ARMC9: variants seen among roughly 807,000 people sequenced by gnomAD.
ARMC9 encodes lisH domain-containing protein ARMC9.
In ARMC9, 94 loss-of-function variants were observed where a neutral mutation model predicts 107.0. The observed-to-expected ratio is 0.88, with a 90% CI of 0.74 to 1.04. ARMC9 has a LOEUF of 1.04. Ranked by LOEUF, ARMC9 falls within the 50% of genes least tolerant of loss-of-function variation. The pLI is 0.00. For missense variants in ARMC9, 942 were observed against 1,030.1 expected, an observed-to-expected ratio of 0.91 and a Z score of 1.17; for synonymous variants, 380 against 396.9, an observed-to-expected ratio of 0.96 and a Z score of 0.51.
At chr2:231,224,053 C>T (rs2034415203) in intron 6 of ARMC9, among the ~76,000 whole-genome samples, 1 of 152,084 alleles carries the variant, frequency 6.6e-6, no homozygotes, top group African/African-American at 2.4e-5. Context: ...CCCAGAGTAG[C>T]TCAGCTTAAT....
chr2:231,288,146 A>C (rs2040735396), intron 17 of ARMC9, among the ~76,000 whole-genome samples: 1 of 152,266 alleles, frequency 6.6e-6, no homozygotes, highest in Non-Finnish European at 1.5e-5. Flanking sequence ...CCTAGCGTGC[A>C]GTAAGCATTG....
chr2:231,240,031 G>A lies in ARMC9; in HGVS notation c.869G>A (p.Arg290Lys), dbSNP rs1409322030. The change falls in exon 9 of 25, where the codon AGG becomes AAG. Residue 290 changes from arginine to lysine, a missense_variant. Arg to Lys is a conservative substitution (Grantham distance 26). Transcript: ENST00000611582. Reference protein sequence around the residue: ...QSLAHSVDFTRPGTASTMLRA... With the variant: ...QSLAHSVDFTKPGTASTMLRA... ...CTGGCGCATAGTGTGGACTTCACGA[G>A]GCCTGGGACGGTGAGGCTCTGCGCT... The A allele has an allele frequency of 4.3e-6, 7 of 1,613,152 alleles. No individual in the cohort carries two copies. The highest frequency in any genetic ancestry group is 5.9e-6 in the Non-Finnish European group (7 of 1,179,602).
At position 231,231,694 on chromosome 2, in the gene ARMC9, A is replaced by T. The variant is rs538152345; in HGVS notation, c.623-3530A>T. Reference sequence around the variant, plus strand: ...CCACCATGCCCCACCTGAAAAAAAAATTTTTTTTTTTTGAGATGAAGTCTG... The same window carrying T: ...CCACCATGCCCCACCTGAAAAAAAATTTTTTTTTTTTTGAGATGAAGTCTG... On this transcript the variant is annotated intron_variant, in intron 7 of 24. Coordinates refer to ENST00000611582, the MANE Select transcript of ARMC9 (RefSeq NM_001352754.2). 3.4e-4 allele frequency among the ~76,000 whole-genome samples: 49 copies of T among 144,554 alleles called. No homozygotes were observed. The Middle Eastern group carries it at 0.017, about 49-fold the overall frequency. The allele number at this position is 144,554 out of a possible 152,430, so 94.8% of individuals were successfully genotyped here. A position where few individuals can be genotyped will look rare whatever the true frequency, so the allele number is the denominator to read the frequency against.
At chr2:231,300,708 T>C (rs902812426) in intron 19 of ARMC9, among the ~76,000 whole-genome samples, 1 of 152,218 alleles carries the variant, frequency 6.6e-6, no homozygotes, top group African/African-American at 2.4e-5. Context: ...TGGTCCATGC[T>C]CCTAACCACT....
intron 11 of ARMC9, among the ~76,000 whole-genome samples, chr2:231,261,806 C>T (rs1263943504): frequency 6.6e-6 from 1 of 152,046 alleles, no homozygotes; most frequent in Admixed American, 6.6e-5. Flanking sequence ...CCCTGTGTCA[C>T]CCATTAGGAC....
intron 10 of ARMC9, among the ~76,000 whole-genome samples, chr2:231,258,532 C>T (rs542500252): frequency 1.2e-4 from 18 of 152,256 alleles, no homozygotes; most frequent in East Asian, 3.9e-4. Context: ...CATATTCCCC[C>T]GGTCCAGTAG....
At chr2:231,349,365 CAATCTA>C (rs1238034291) in intron 21 of ARMC9, among the ~76,000 whole-genome samples, 3 of 151,874 alleles carry the variant, frequency 2.0e-5, no homozygotes, top group African/African-American at 4.8e-5. Flanking sequence ...CTTACTTAAA[CAATCTA>C]AACAATTGAG....
chr2:231,327,023 T>C (rs2043369279), intron 19 of ARMC9, among the ~76,000 whole-genome samples: 1 of 152,136 alleles, frequency 6.6e-6, no homozygotes, highest in Admixed American at 6.5e-5. Context: ...GCCACCTTCC[T>C]CCAGGGCCCC....
chr2:231,324,409 G>A (rs62197356), intron 19 of ARMC9, among the ~76,000 whole-genome samples: 6 of 148,314 alleles, frequency 4.0e-5, no homozygotes, highest in South Asian at 2.1e-4. Context: ...TATAGGCCAC[G>A]CGGCCTATAA....
Position 231,331,966 on chromosome 2 carries a change from T to G in ARMC9, c.1878+69T>G, listed in dbSNP as rs559533465. 2.3e-6 allele frequency: 3 copies of G among 1,306,724 alleles called. No homozygotes were observed. In the Admixed American group the frequency reaches 5.6e-5, roughly 25 times the overall value. The allele number at this position is 1,306,724 out of a possible 1,614,324, so 80.9% of individuals were successfully genotyped here. ...AGATGGACATTGATGGATTTCGTGT[T>G]TTCAGTGACACAGAGGGTTTAGTTT... On this transcript the variant is annotated intron_variant, in intron 20 of 24. Coordinates refer to ENST00000611582, the MANE Select transcript of ARMC9 (RefSeq NM_001352754.2).
chr2:231,253,731 T>C (rs1396040212), intron 9 of ARMC9, among the ~76,000 whole-genome samples: 1 of 151,910 alleles, frequency 6.6e-6, no homozygotes, highest in Non-Finnish European at 1.5e-5. Context: ...ACACTTTGAG[T>C]AGCAGGGGGC....
chr2:231,219,554 C>T (rs1457466627), intron 5 of ARMC9, among the ~76,000 whole-genome samples: 1 of 152,160 alleles, frequency 6.6e-6, no homozygotes, highest in Non-Finnish European at 1.5e-5. Flanking sequence ...GGTGATCAAT[C>T]TCTTTTATCT....
intron 19 of ARMC9, among the ~76,000 whole-genome samples, chr2:231,314,685 G>A (rs1407407238): frequency 6.6e-6 from 1 of 152,188 alleles, no homozygotes; most frequent in Non-Finnish European, 1.5e-5. Flanking sequence ...GTTGCTAAAT[G>A]TCCCCTAGGA....
chr2:231,265,193 G>A (rs1023235468), intron 12 of ARMC9, among the ~76,000 whole-genome samples: 3 of 152,070 alleles, frequency 2.0e-5, no homozygotes, highest in Non-Finnish European at 2.9e-5. Flanking sequence ...AAAACAGTAC[G>A]GAGATTCCTT....
intron 19 of ARMC9, among the ~76,000 whole-genome samples, chr2:231,302,437 G>GTTTTTTTTTTTTTTTTTTTTTTTT: frequency 1.7e-5 from 1 of 58,100 alleles, no homozygotes; most frequent in South Asian, 8.7e-4. Context: ...TTGTGGGTTT[G>GTTTTTTTTTTTTTTTTTTTTTTTT]TTTTTTTTTT....
At chr2:231,354,376 ATTTT>A (rs67988812) in intron 21 of ARMC9, among the ~76,000 whole-genome samples, 8 of 66,646 alleles carry the variant, frequency 1.2e-4, no homozygotes, top group African/African-American at 3.4e-4. Flanking sequence ...AGCCATGTGA[ATTTT>A]TTTTTTTTTT....
At position 231,376,401 on chromosome 2, in the gene ARMC9, G is replaced by T. The variant is rs935209937; in HGVS notation, c.*4866G>T. ...TGAGAAAGAGAATGCACACCTGGGG[G>T]TGGGTCTCTGAACTGGCCCCCCTCC... On this transcript the variant is annotated 3_prime_UTR_variant, in exon 25 of 25. Coordinates refer to ENST00000611582, the MANE Select transcript of ARMC9 (RefSeq NM_001352754.2). Among the ~76,000 whole-genome samples the T allele has an allele frequency of 6.6e-6, 1 of 152,138 alleles. No homozygotes were observed. Among genetic ancestry groups the T allele is most frequent in the Non-Finnish European group, 1.5e-5 (1 of 68,030 alleles).
At chr2:231,219,822 T>C (rs1376710287) in intron 5 of ARMC9, among the ~76,000 whole-genome samples, 1 of 152,088 alleles carries the variant, frequency 6.6e-6, no homozygotes. Context: ...TAACATAAAA[T>C]TTACCATTTT....
intron 12 of ARMC9, among the ~76,000 whole-genome samples, chr2:231,265,963 A>T (rs1374046514): frequency 6.6e-6 from 1 of 150,930 alleles, no homozygotes; most frequent in Non-Finnish European, 1.5e-5. Flanking sequence ...GCGCCACTGG[A>T]CTCTAGCCTG....
Sources: allele counts gnomAD v4.1 joint callset (sites outside exome capture counted in the v4.1 genomes callset), GRCh38; gene constraint gnomAD v4.1.1; transcripts MANE v1.5; gene names NCBI Gene and HGNC (gene_info 2026-07-23, HGNC 2026-07-21).